Variants in CATSPER3 observed in about 807,000 individuals in gnomAD.
The protein encoded by CATSPER3 is cation channel sperm associated 3.
Under a neutral mutation model 36.6 loss-of-function variants are expected in CATSPER3, and 23 were observed. The ratio of observed to expected loss-of-function variants is 0.63; its 90% CI spans 0.45 to 0.89. CATSPER3 has a LOEUF of 0.89. CATSPER3 is among the 40% of genes least tolerant of loss of function. The pLI, the probability that CATSPER3 is intolerant of heterozygous loss-of-function variation, is 0.00. For synonymous variants in CATSPER3, 172 were observed against 184.1 expected (o/e 0.93, Z 0.53); for missense variants, 474 against 503.9 (o/e 0.94, Z 0.57).
chr5:134,973,113 C>A (rs1270932364), intron 2 of CATSPER3, among the ~76,000 whole-genome samples: 1 of 152,118 alleles, frequency 6.6e-6, no homozygotes, highest in African/African-American at 2.4e-5. Context: ...TTTCCAAGAG[C>A]CCTTCCTTAG....
At chr5:134,978,716 A>G (rs1443291838) in intron 2 of CATSPER3, among the ~76,000 whole-genome samples, 1 of 151,542 alleles carries the variant, frequency 6.6e-6, no homozygotes, top group Non-Finnish European at 1.5e-5. Flanking sequence ...AAGTTTTGTT[A>G]TATTTTCTTT....
At chr5:135,006,952 C>T (rs1752096427) in intron 3 of CATSPER3, among the ~76,000 whole-genome samples, 1 of 152,102 alleles carries the variant, frequency 6.6e-6, no homozygotes, top group Admixed American at 6.5e-5. Context: ...GGTGTGCATT[C>T]ACCCCTGCAG....
chr5:134,969,410 C>T (rs1751573400), intron 1 of CATSPER3: 1 of 169,820 alleles, frequency 5.9e-6, no homozygotes, highest in Admixed American at 5.6e-5. Flanking sequence ...ATTGGTATTG[C>T]TGTAGAACAT....
At chr5:134,992,947 T>G (rs1751896345) in intron 2 of CATSPER3, among the ~76,000 whole-genome samples, 1 of 152,228 alleles carries the variant, frequency 6.6e-6, no homozygotes, top group Admixed American at 6.5e-5. Context: ...CAGATACTTG[T>G]ATTGTGCATA....
At chr5:134,990,518 C>T (rs770865404) in intron 2 of CATSPER3, among the ~76,000 whole-genome samples, 5 of 152,144 alleles carry the variant, frequency 3.3e-5, no homozygotes, top group Non-Finnish European at 7.4e-5. Flanking sequence ...TTGACTTCTC[C>T]CTTTAGCTTA....
intron 5 of CATSPER3, 26 bp downstream of exon 5, chr5:135,009,007 A>C: frequency 6.2e-7 from 1 of 1,613,808 alleles, no homozygotes; most frequent in Non-Finnish European, 8.5e-7. Flanking sequence ...TGAGGATCGG[A>C]GGTCAGGGCA....
intron 6 of CATSPER3, among the ~76,000 whole-genome samples, chr5:135,010,095 G>A (rs1397237766): frequency 6.6e-6 from 1 of 152,210 alleles, no homozygotes. Context: ...GTGGAGACAT[G>A]TGCCTGTCTT....
chr5:134,992,099 A>G (rs1325188045), intron 2 of CATSPER3, among the ~76,000 whole-genome samples: 1 of 151,620 alleles, frequency 6.6e-6, no homozygotes, highest in Admixed American at 6.6e-5. Flanking sequence ...TCCAGCCTGG[A>G]TGACAGAGCA....
At chr5:134,979,617 A>T (rs555745583) in intron 2 of CATSPER3, among the ~76,000 whole-genome samples, 36 of 152,332 alleles carry the variant, frequency 2.4e-4, no homozygotes, top group African/African-American at 7.5e-4. Flanking sequence ...GGGCAAAAAA[A>T]GTTAAAGCAA....
intron 3 of CATSPER3, among the ~76,000 whole-genome samples, chr5:134,996,987 C>T (rs1751958516): frequency 6.6e-6 from 1 of 152,234 alleles, no homozygotes. Flanking sequence ...GGAAGGGCTA[C>T]TCCTGCTGAG....
intron 2 of CATSPER3, among the ~76,000 whole-genome samples, chr5:134,991,396 T>C (rs1192150380): frequency 6.6e-6 from 1 of 152,196 alleles, no homozygotes; most frequent in Non-Finnish European, 1.5e-5. Context: ...CAAAACTTAC[T>C]ACAAAGATAT....
At chr5:134,982,514 A>C (rs897492186) in intron 2 of CATSPER3, among the ~76,000 whole-genome samples, 1 of 152,202 alleles carries the variant, frequency 6.6e-6, no homozygotes, top group Non-Finnish European at 1.5e-5. Context: ...ATCCTCAGAA[A>C]CTATGGAGGC....
chr5:134,996,225 G>C (rs1751943194), intron 2 of CATSPER3, 48 bp from the exon 3 acceptor site: 1 of 1,613,674 alleles, frequency 6.2e-7, no homozygotes, highest in Non-Finnish European at 8.5e-7. Context: ...CAGAGCTCTA[G>C]GGCTGTGCAG....
chr5:134,978,951 T>A (rs1353279293), intron 2 of CATSPER3, among the ~76,000 whole-genome samples: 3 of 152,104 alleles, frequency 2.0e-5, no homozygotes, highest in Admixed American at 6.6e-5. Context: ...CTCGATCTCC[T>A]GACCTTGTGA....
At chr5:135,010,143 G>A (rs1752162996) in intron 6 of CATSPER3, among the ~76,000 whole-genome samples, 1 of 152,160 alleles carries the variant, frequency 6.6e-6, no homozygotes, top group Non-Finnish European at 1.5e-5. Context: ...GGGAGAGCCT[G>A]CGCTGAGCCT....
At chr5:134,997,161 G>A (rs1350548176) in intron 3 of CATSPER3, among the ~76,000 whole-genome samples, 4 of 152,186 alleles carry the variant, frequency 2.6e-5, no homozygotes, top group South Asian at 2.1e-4. Context: ...CCTTCTCCAG[G>A]TGGGGGCTGG....
chr5:134,968,296 G>A (rs1751558629), intron 1 of CATSPER3: 1 of 562,982 alleles, frequency 1.8e-6, no homozygotes, highest in Non-Finnish European at 3.2e-6. Flanking sequence ...TGACCAGTTT[G>A]ACCAGTTTGA....
intron 7 of CATSPER3, among the ~76,000 whole-genome samples, 191 bp downstream of exon 7, chr5:135,010,721 G>A (rs997249973): frequency 6.6e-6 from 1 of 152,140 alleles, no homozygotes; most frequent in Non-Finnish European, 1.5e-5. Flanking sequence ...GACGGGCCAT[G>A]GCTGGGGGGA....
At chr5:135,009,332 C>T (rs751586672) in intron 5 of CATSPER3, 39 bp from the exon 6 acceptor site, 10 of 1,606,442 alleles carry the variant, frequency 6.2e-6, no homozygotes, top group South Asian at 2.2e-5. Flanking sequence ...GGGCATGTAG[C>T]GAGAGCCTGT....
Sources: allele counts gnomAD v4.1 joint callset (sites outside exome capture counted in the v4.1 genomes callset), GRCh38; gene constraint gnomAD v4.1.1; transcripts MANE v1.5; gene names NCBI Gene and HGNC (gene_info 2026-07-23, HGNC 2026-07-21).